The following ZFAND3 variants were observed in gnomAD, a reference collection of about 807,000 sequenced individuals.
The protein encoded by ZFAND3 is AN1-type zinc finger protein 3.
In ZFAND3, 10 loss-of-function variants were observed where a neutral mutation model predicts 29.6. That is an observed-to-expected ratio of 0.34 (90% CI 0.21 to 0.57). The LOEUF is 0.57. Ranked by LOEUF, ZFAND3 falls within the 20% of genes least tolerant of loss-of-function variation. ZFAND3 has a pLI of 0.86. For missense variants in ZFAND3, 230 were observed against 304.5 expected (o/e 0.76, Z 1.82); for synonymous variants, 128 against 112.6 (o/e 1.14, Z -0.87).
intron 2 of ZFAND3, among the ~76,000 whole-genome samples, chr6:38,045,055 TTTATTTATTTATTTA>T (rs1561978608): frequency 9.6e-5 from 2 of 20,882 alleles, no homozygotes; most frequent in East Asian, 3.0e-3. Flanking sequence ...TGGAAATTCT[TTTATTTATTTATTTA>T]TTTATTTATT....
chr6:37,867,002 C>T (rs1454926954), intron 1 of ZFAND3, among the ~76,000 whole-genome samples: 1 of 152,196 alleles, frequency 6.6e-6, no homozygotes, highest in Non-Finnish European at 1.5e-5. Context: ...AATGTCTTGT[C>T]TCAGACAGAT....
chr6:37,828,322 G>A (rs971389691), intron 1 of ZFAND3, among the ~76,000 whole-genome samples: 4 of 152,220 alleles, frequency 2.6e-5, no homozygotes, highest in African/African-American at 4.8e-5. Flanking sequence ...GAGGAACACA[G>A]AGTGGGTGGT....
chr6:38,088,675 CTCTA>C (rs2127473065), intron 4 of ZFAND3, among the ~76,000 whole-genome samples: 2 of 152,314 alleles, frequency 1.3e-5, no homozygotes, highest in South Asian at 4.1e-4. Context: ...TTTTGCTCCG[CTCTA>C]TCTATATTCA....
At chr6:37,952,558 C>G (rs1762016739) in intron 2 of ZFAND3, among the ~76,000 whole-genome samples, 1 of 151,972 alleles carries the variant, frequency 6.6e-6, no homozygotes, top group Admixed American at 6.6e-5. Flanking sequence ...GTAATATCCT[C>G]TTGTCATTTA....
intron 5 of ZFAND3, among the ~76,000 whole-genome samples, chr6:38,130,708 G>A (rs999568076): frequency 1.3e-5 from 2 of 152,128 alleles, no homozygotes; most frequent in African/African-American, 4.8e-5. Context: ...GTTGGATTTG[G>A]TTAGCTAGTA....
intron 2 of ZFAND3, among the ~76,000 whole-genome samples, chr6:37,977,783 T>TG (rs948836402): frequency 1.4e-5 from 2 of 147,750 alleles, no homozygotes; most frequent in South Asian, 2.1e-4. Flanking sequence ...TTTTGTTTTT[T>TG]TTTTTTTTCA....
intron 4 of ZFAND3, among the ~76,000 whole-genome samples, chr6:38,103,456 C>CAT (rs1462951082): frequency 2.4e-4 from 5 of 21,144 alleles, no homozygotes; most frequent in Admixed American, 5.0e-4. Context: ...TATATACACA[C>CAT]ATATATACAC....
intron 2 of ZFAND3, among the ~76,000 whole-genome samples, chr6:37,945,337 A>G (rs1325684081): frequency 6.6e-6 from 1 of 152,210 alleles, no homozygotes; most frequent in African/African-American, 2.4e-5. Flanking sequence ...TATTCTGGAA[A>G]AATACCACGT....
intron 5 of ZFAND3, among the ~76,000 whole-genome samples, chr6:38,136,356 A>T (rs573076653): frequency 6.6e-4 from 100 of 152,260 alleles, no homozygotes; most frequent in Non-Finnish European, 1.2e-3. Context: ...ACTGGTGCAC[A>T]TGCTAAAATG....
intron 1 of ZFAND3, among the ~76,000 whole-genome samples, chr6:37,861,894 T>C (rs536366874): frequency 1.6e-4 from 25 of 152,342 alleles, no homozygotes; most frequent in Admixed American, 7.8e-4. Flanking sequence ...CAAGTAGAAA[T>C]AGAAAATATG....
At chr6:38,091,627 G>A (rs1273419301) in intron 4 of ZFAND3, among the ~76,000 whole-genome samples, 1 of 149,130 alleles carries the variant, frequency 6.7e-6, no homozygotes, top group Non-Finnish European at 1.5e-5. Flanking sequence ...GAGTGGGATA[G>A]AACAGCCACA....
At chr6:37,991,227 G>A (rs945318510) in intron 2 of ZFAND3, among the ~76,000 whole-genome samples, 5 of 152,080 alleles carry the variant, frequency 3.3e-5, no homozygotes, top group Non-Finnish European at 7.4e-5. Context: ...CATTGGACAG[G>A]CATTTTCCCT....
At chr6:37,981,112 C>T (rs1448269571) in intron 2 of ZFAND3, among the ~76,000 whole-genome samples, 1 of 152,162 alleles carries the variant, frequency 6.6e-6, no homozygotes, top group African/African-American at 2.4e-5. Flanking sequence ...GTGGTCTGAG[C>T]CTAAGGCAAC....
chr6:37,864,763 A>G (rs1003591813), intron 1 of ZFAND3, among the ~76,000 whole-genome samples: 1 of 151,364 alleles, frequency 6.6e-6, no homozygotes, highest in African/African-American at 2.4e-5. Context: ...ACACACACAC[A>G]CACACACATG....
intron 2 of ZFAND3, among the ~76,000 whole-genome samples, chr6:37,969,498 T>C (rs73421436): frequency 6.6e-5 from 10 of 152,138 alleles, no homozygotes; most frequent in African/African-American, 2.4e-4. Flanking sequence ...TTTATAATAA[T>C]GTGCTGAATA....
chr6:37,928,864 T>C (rs1761539390), intron 1 of ZFAND3, among the ~76,000 whole-genome samples: 1 of 152,108 alleles, frequency 6.6e-6, no homozygotes, highest in Non-Finnish European at 1.5e-5. Context: ...TAGGGTGCTG[T>C]GCTGTCAGGT....
intron 1 of ZFAND3, among the ~76,000 whole-genome samples, chr6:37,896,372 A>G (rs11966525): frequency 0.02 from 3,115 of 152,146 alleles, 99 homozygotes; most frequent in African/African-American, 0.072. Flanking sequence ...TGAGTATTAA[A>G]TCAGCCTTGG....
chr6:38,144,231 A>AATATATATATAT (rs1766053283), intron 5 of ZFAND3, among the ~76,000 whole-genome samples: 1 of 75,256 alleles, frequency 1.3e-5, no homozygotes, highest in Non-Finnish European at 3.1e-5. Context: ...ATATATATAT[A>AATATATATATAT]TTTTTTTTTT....
At chr6:37,856,698 T>C (rs553612485) in intron 1 of ZFAND3, among the ~76,000 whole-genome samples, 3 of 152,276 alleles carry the variant, frequency 2.0e-5, no homozygotes, top group Non-Finnish European at 2.9e-5. Context: ...TAATAAAATA[T>C]ACATATTTCT....
Sources: allele counts gnomAD v4.1 joint callset (sites outside exome capture counted in the v4.1 genomes callset), GRCh38; gene constraint gnomAD v4.1.1; transcripts MANE v1.5; gene names NCBI Gene and HGNC (gene_info 2026-07-23, HGNC 2026-07-21).